Variants in BTBD16 observed in about 807,000 individuals in gnomAD.
The protein encoded by BTBD16 is BTB/POZ domain-containing protein 16.
Under a neutral mutation model 67.4 loss-of-function variants are expected in BTBD16, and 66 were observed. The ratio of observed to expected loss-of-function variants is 0.98; its 90% CI spans 0.80 to 1.20. The LOEUF (loss-of-function observed/expected upper bound fraction) is 1.20, where lower values mean the gene tolerates loss of function less well. Ranked by LOEUF, BTBD16 falls within the 50% of genes most tolerant of loss-of-function variation. The pLI, the probability that BTBD16 is intolerant of heterozygous loss-of-function variation, is 0.00. For synonymous variants in BTBD16, 242 were observed against 236.4 expected (o/e 1.02, Z -0.22); for missense variants, 634 against 616.0 (o/e 1.03, Z -0.31).
chr10:122,323,152 TAC>T (rs2096438400), intron 10 of BTBD16, among the ~76,000 whole-genome samples: 1 of 152,212 alleles, frequency 6.6e-6, no homozygotes, highest in Non-Finnish European at 1.5e-5. Flanking sequence ...GCATGTCAGG[TAC>T]ACAGTGTAAG....
rs140382695 is a variant in BTBD16, at chr10:122,307,871, G to A, written c.911+563G>A. Among the ~76,000 whole-genome samples, 3 of 152,336 alleles carry A rather than the reference G, an allele frequency of 2.0e-5. No individual in the cohort carries two copies. In the East Asian group the frequency reaches 5.8e-4, roughly 29 times the overall value. On this transcript the variant is annotated intron_variant, in intron 10 of 15. Coordinates refer to ENST00000260723, the MANE Select transcript of BTBD16 (RefSeq NM_144587.5). ...GACCTGTTTAAGCCAAGTTTCATTTGCATTGTTTTGAAGCACGTAATTCAT... is the reference window on the plus strand; with the variant it reads ...GACCTGTTTAAGCCAAGTTTCATTTACATTGTTTTGAAGCACGTAATTCAT...
intron 10 of BTBD16, chr10:122,328,708 G>A (rs2096449692): frequency 1.0e-6 from 1 of 967,064 alleles, no homozygotes; most frequent in East Asian, 1.1e-4. Context: ...TGGAAAGATT[G>A]TTCCCCATTG....
rs747685592 is a variant in BTBD16, at chr10:122,332,489, G to T, written c.1140G>T (p.Val380=). 1 of 1,614,074 alleles carries T rather than the reference G, an allele frequency of 6.2e-7. No homozygotes were observed. The highest frequency in any genetic ancestry group is 8.5e-7 in the Non-Finnish European group (1 of 1,179,996). Residue 380 remains valine, a synonymous_variant, in exon 13 of 16, where the codon GTG becomes GTT. Transcript: ENST00000260723. ...VHLKDLNTQA[V]RFGLLFNQEN... The stretch of plus-strand genomic sequence containing the variant: ...TGAAAGATCTTAACACCCAGGCTGT[G>T]AGATTTGGGCTGCTCTTTAACCAGG...
At position 122,276,829 on chromosome 10, in the gene BTBD16, C is replaced by G. The variant is rs1243341861; in HGVS notation, c.57C>G (p.Thr19=). Residue 19 remains threonine, a synonymous_variant, in exon 3 of 16, where the codon ACC becomes ACG. Transcript: ENST00000260723. ...ARLERRVTGS[T]NRWRLPKQPF... ...TGGAACGCCGGGTCACTGGCTCAACCAACCGGTGGCGTTTGCCCAAACAGC... is the reference window on the plus strand; with the variant it reads ...TGGAACGCCGGGTCACTGGCTCAACGAACCGGTGGCGTTTGCCCAAACAGC... 7.4e-6 allele frequency: 12 copies of G among 1,614,252 alleles called. No individual in the cohort carries two copies. The highest frequency in any genetic ancestry group is 8.5e-7 in the Non-Finnish European group (1 of 1,180,040).
intron 10 of BTBD16, among the ~76,000 whole-genome samples, chr10:122,308,187 T>G (rs2096407053): frequency 6.6e-6 from 1 of 152,176 alleles, no homozygotes; most frequent in South Asian, 2.1e-4. Context: ...AGAGCTAGAA[T>G]GTGGTGATTC....
In BTBD16 at chr10:122,297,702, T is replaced by C. The variant is rs1246994543; in HGVS notation, c.591-66T>C. The C allele has an allele frequency of 2.6e-6, 4 of 1,559,352 alleles. No homozygotes were observed. In the Admixed American group the frequency reaches 6.8e-5, roughly 27 times the overall value. ...TGTCCTGGAGTTGAATGAGAATCTC[T>C]GGGACTTTCCGCTTCTCCAAAAGCA... is the stretch of plus-strand genomic sequence containing the variant. On this transcript the variant is annotated intron_variant, in intron 7 of 15. Transcript: ENST00000260723.
At chr10:122,309,345 T>G (rs937148142) in intron 10 of BTBD16, among the ~76,000 whole-genome samples, 5 of 147,846 alleles carry the variant, frequency 3.4e-5, no homozygotes, top group Admixed American at 2.7e-4. Context: ...TTTTGGTTTT[T>G]GTTTTTGTTT....
At chr10:122,273,520 G>T (rs2096333838) in intron 1 of BTBD16, among the ~76,000 whole-genome samples, 1 of 152,116 alleles carries the variant, frequency 6.6e-6, no homozygotes, top group Non-Finnish European at 1.5e-5. Context: ...CAGGAGGATT[G>T]CTTGATATCA....
At chr10:122,278,928 A>G (rs1416983088) in intron 3 of BTBD16, among the ~76,000 whole-genome samples, 1 of 152,224 alleles carries the variant, frequency 6.6e-6, no homozygotes, top group Non-Finnish European at 1.5e-5. Context: ...TATCATGGTG[A>G]CAGCAGAGGG....
At chr10:122,333,640 G>A (rs1375102548) in intron 13 of BTBD16, among the ~76,000 whole-genome samples, 1 of 152,108 alleles carries the variant, frequency 6.6e-6, no homozygotes, top group Non-Finnish European at 1.5e-5. Flanking sequence ...CAAACTTGAT[G>A]GGTTCCCAGG....
chr10:122,295,839 G>A (rs1380088102), intron 7 of BTBD16, among the ~76,000 whole-genome samples: 1 of 152,170 alleles, frequency 6.6e-6, no homozygotes, highest in Admixed American at 6.6e-5. Flanking sequence ...TAGCACACAA[G>A]GGGGTAGAGT....
intron 10 of BTBD16, among the ~76,000 whole-genome samples, chr10:122,328,241 C>T (rs1019039626): frequency 2.0e-5 from 3 of 152,192 alleles, no homozygotes; most frequent in Non-Finnish European, 4.4e-5. Context: ...CCACCAGCCC[C>T]GGCTCCACTT....
chr10:122,309,396 G>A (rs1161365111), intron 10 of BTBD16, among the ~76,000 whole-genome samples: 2 of 151,470 alleles, frequency 1.3e-5, no homozygotes, highest in Non-Finnish European at 2.9e-5. Flanking sequence ...CCAGGCTGGA[G>A]TGCAGTAGCG....
Position 122,315,828 on chromosome 10 carries a change from G to A in BTBD16, c.911+8520G>A, listed in dbSNP as rs143201774. 5.1e-3 allele frequency among the ~76,000 whole-genome samples: 780 copies of A among 151,930 alleles called. 8 individuals are homozygous for A. The highest frequency in any genetic ancestry group is 0.018 in the African/African-American group (729 of 41,416). On this transcript the variant is annotated intron_variant, in intron 10 of 15. Coordinates refer to ENST00000260723, the MANE Select transcript of BTBD16 (RefSeq NM_144587.5). ...CTTTATCTTTTTAGAGCTTTTTTGA[G>A]GAATAATTGGAACTCAATAAACTAC...
intron 1 of BTBD16, among the ~76,000 whole-genome samples, 157 bp from the exon 2 acceptor site, chr10:122,274,883 C>T (rs79196130): frequency 0.025 from 3,755 of 152,292 alleles, 76 homozygotes; most frequent in Non-Finnish European, 0.036. Context: ...CAAAAAACCC[C>T]AGCAACAACA....
chr10:122,279,430 C>T (rs2096347529), intron 3 of BTBD16, among the ~76,000 whole-genome samples: 1 of 150,888 alleles, frequency 6.6e-6, no homozygotes, highest in African/African-American at 2.4e-5. Context: ...ATGCAGTGAC[C>T]TATGATTGTG....
In BTBD16 at chr10:122,276,237, T is replaced by A. The variant is rs111937610; in HGVS notation, c.19-554T>A. 6.6e-5 allele frequency among the ~76,000 whole-genome samples: 10 copies of A among 152,344 alleles called. 2 individuals carry two copies. Among genetic ancestry groups the A allele is most frequent in the African/African-American group, 2.4e-4 (10 of 41,580 alleles). On this transcript the variant is annotated intron_variant, in intron 2 of 15. Coordinates refer to ENST00000260723, the MANE Select transcript of BTBD16 (RefSeq NM_144587.5). ...GACATGGGAACAGGGAGTGACAATT[T>A]AATGGGTATGGAATTTCTTTTGGGG...
chr10:122,292,000 T>C (rs2096375019), intron 7 of BTBD16, among the ~76,000 whole-genome samples: 1 of 152,206 alleles, frequency 6.6e-6, no homozygotes, highest in African/African-American at 2.4e-5. Flanking sequence ...ATCATGAGCA[T>C]GAGGGGGTAA....
intron 3 of BTBD16, among the ~76,000 whole-genome samples, chr10:122,282,545 G>C (rs2096355272): frequency 6.6e-6 from 1 of 152,220 alleles, no homozygotes; most frequent in African/African-American, 2.4e-5. Context: ...GAGCAGCTGT[G>C]GTCACAAATG....
Sources: gnomAD v4.1 joint callset for allele counts (sites outside exome capture counted in the v4.1 genomes callset) on GRCh38, gnomAD v4.1.1 for gene constraint, MANE v1.5 for transcripts, NCBI Gene and HGNC (gene_info 2026-07-23, HGNC 2026-07-21) for gene names.